SNX29: variants seen among roughly 807,000 people sequenced by gnomAD.
SNX29 encodes sorting nexin-29.
SNX29 carries 78 observed loss-of-function variants against 102.1 expected under a neutral mutation model. The observed-to-expected ratio is 0.76, with a 90% CI of 0.64 to 0.92. The LOEUF (loss-of-function observed/expected upper bound fraction) is 0.92. SNX29 is among the 40% of genes least tolerant of loss of function. SNX29 has a pLI of 0.00. For synonymous variants in SNX29, 580 were observed against 414.5 expected (o/e 1.40, Z -4.85); for missense variants, 1,280 against 1,061.7 (o/e 1.21, Z -2.86).
chr16:12,256,266 T>C (rs2078570346), intron 14 of SNX29, among the ~76,000 whole-genome samples: 1 of 152,246 alleles, frequency 6.6e-6, no homozygotes, highest in Non-Finnish European at 1.5e-5. Context: ...ATATTTTGGA[T>C]ATTAACCCCT....
intron 18 of SNX29, 69 bp downstream of exon 18, chr16:12,403,598 C>CTT: frequency 7.0e-7 from 1 of 1,433,778 alleles, no homozygotes; most frequent in Non-Finnish European, 9.6e-7. Context: ...TGCTGTGGTG[C>CTT]TTTTTGCCTC....
At chr16:12,064,552 G>C (rs1308665969) in intron 9 of SNX29, among the ~76,000 whole-genome samples, 1 of 152,262 alleles carries the variant, frequency 6.6e-6, no homozygotes, top group East Asian at 1.9e-4. Flanking sequence ...TGCTGTCAGG[G>C]GGCTTGTGAG....
chr16:12,253,512 G>C (rs759084386), intron 14 of SNX29, among the ~76,000 whole-genome samples: 15 of 152,220 alleles, frequency 9.9e-5, no homozygotes, highest in Non-Finnish European at 1.9e-4. Context: ...GACTTTAAGT[G>C]AGTCGGGATG....
At chr16:12,226,113 C>T (rs1415486232) in intron 14 of SNX29, among the ~76,000 whole-genome samples, 1 of 152,216 alleles carries the variant, frequency 6.6e-6, no homozygotes, top group African/African-American at 2.4e-5. Context: ...TCTTTTCGAA[C>T]TTACATCATC....
chr16:12,041,918 A>G (rs1480556932), intron 4 of SNX29, among the ~76,000 whole-genome samples: 1 of 152,248 alleles, frequency 6.6e-6, no homozygotes, highest in Non-Finnish European at 1.5e-5. Context: ...AGAAAAGTGC[A>G]GTAAAAAAGA....
intron 19 of SNX29, among the ~76,000 whole-genome samples, chr16:12,508,786 C>G (rs1567635105): frequency 6.6e-6 from 1 of 152,164 alleles, no homozygotes; most frequent in Non-Finnish European, 1.5e-5. Flanking sequence ...CCTTCTCTCT[C>G]CTGGCTGGCT....
chr16:12,536,030 A>C (rs1035191884), intron 20 of SNX29, among the ~76,000 whole-genome samples: 6 of 152,110 alleles, frequency 3.9e-5, no homozygotes, highest in African/African-American at 1.4e-4. Flanking sequence ...CCCGTTCCTA[A>C]TTTGATTGCC....
chr16:12,012,507 C>G lies in SNX29; in HGVS notation c.122+9464C>G, dbSNP rs370927979. Among the ~76,000 whole-genome samples the G allele has an allele frequency of 1.1e-4, 16 of 152,248 alleles. No homozygotes were observed. In the South Asian group the frequency reaches 2.3e-3, roughly 22 times the overall value. On this transcript the variant is annotated intron_variant, in intron 3 of 20. Coordinates refer to ENST00000566228, the MANE Select transcript of SNX29 (RefSeq NM_032167.5). Reference sequence around the variant, plus strand: ...CACTGCAACCTCCGCCTCCCACGTTCAAGTGATTCTCCTGCCTCAGCCTCC... The same window carrying G: ...CACTGCAACCTCCGCCTCCCACGTTGAAGTGATTCTCCTGCCTCAGCCTCC...
intron 11 of SNX29, among the ~76,000 whole-genome samples, chr16:12,084,214 C>T (rs911943636): frequency 2.0e-5 from 3 of 151,418 alleles, no homozygotes; most frequent in East Asian, 1.9e-4. Flanking sequence ...GGCACGATCT[C>T]GGGTCACTGA....
At chr16:12,400,364 C>A (rs11075066) in intron 17 of SNX29, among the ~76,000 whole-genome samples, 6 of 152,054 alleles carry the variant, frequency 3.9e-5, no homozygotes, top group Admixed American at 3.3e-4. Flanking sequence ...AGCATTGCCT[C>A]TGTGCTGGAC....
chr16:12,299,107 C>T (rs1050143168), intron 15 of SNX29, among the ~76,000 whole-genome samples: 2 of 151,994 alleles, frequency 1.3e-5, no homozygotes, highest in African/African-American at 4.8e-5. Flanking sequence ...CGAGACCCAC[C>T]TGGCCAACAT....
intron 14 of SNX29, among the ~76,000 whole-genome samples, chr16:12,207,253 T>C (rs2077067801): frequency 6.6e-6 from 1 of 151,958 alleles, no homozygotes; most frequent in African/African-American, 2.4e-5. Flanking sequence ...CCTGTAATCC[T>C]AGTTACTTGG....
chr16:12,561,070 A>T, intron 20 of SNX29: 1 of 224,880 alleles, frequency 4.4e-6, no homozygotes, highest in Non-Finnish European at 8.9e-6. Context: ...AAAGGCCTTG[A>T]TGGATGTCAG....
At chr16:12,564,276 C>G (rs577095027) in intron 20 of SNX29, among the ~76,000 whole-genome samples, 2 of 152,172 alleles carry the variant, frequency 1.3e-5, no homozygotes, top group Non-Finnish European at 2.9e-5. Flanking sequence ...ATGCCTCTAC[C>G]AGTAAAAGTT....
intron 13 of SNX29, among the ~76,000 whole-genome samples, chr16:12,184,222 G>C (rs1053365620): frequency 2.0e-5 from 3 of 152,264 alleles, no homozygotes; most frequent in East Asian, 3.9e-4. Flanking sequence ...TCTAACATAC[G>C]GTTCATATTC....
At position 12,391,922 on chromosome 16, in the gene SNX29, A is replaced by G. The variant is rs553179386; in HGVS notation, c.1900-6524A>G. On this transcript the variant is annotated intron_variant, in intron 16 of 20. Transcript: ENST00000566228. ...TTTGAAAGGTTAACAAGTCATGTAC[A>G]TGGTAAAAATCTACAAGGTGTAAAG... Among the ~76,000 whole-genome samples the G allele has an allele frequency of 1.4e-4, 22 of 152,364 alleles. No homozygotes were observed. In the South Asian group the frequency reaches 4.3e-3, roughly 30 times the overall value.
chr16:12,552,232 C>T (rs1342291910), intron 20 of SNX29, among the ~76,000 whole-genome samples: 2 of 150,610 alleles, frequency 1.3e-5, no homozygotes, highest in Admixed American at 1.4e-4. Context: ...CATCCAGCAC[C>T]ATGCCCCAGC....
chr16:12,227,352 C>T (rs2077642593), intron 14 of SNX29, among the ~76,000 whole-genome samples: 1 of 152,176 alleles, frequency 6.6e-6, no homozygotes, highest in Admixed American at 6.5e-5. Flanking sequence ...ACCCCAGTGA[C>T]AACGTGGAGT....
intron 18 of SNX29, among the ~76,000 whole-genome samples, chr16:12,438,184 C>G (rs369426687): frequency 1.3e-5 from 2 of 152,122 alleles, no homozygotes; most frequent in East Asian, 3.9e-4. Context: ...TTATTCTGAC[C>G]TACTTGATGC....
Sources: allele counts gnomAD v4.1 joint callset (sites outside exome capture counted in the v4.1 genomes callset), GRCh38; gene constraint gnomAD v4.1.1; transcripts MANE v1.5; gene names NCBI Gene and HGNC (gene_info 2026-07-23, HGNC 2026-07-21).